Variants in EHMT1 observed in about 807,000 individuals in gnomAD.
EHMT1 encodes the protein euchromatic histone lysine methyltransferase 1, also known as histone-lysine N-methyltransferase EHMT1.
A neutral mutation model predicts 147.2 loss-of-function variants in EHMT1; 15 were observed. That is an observed-to-expected ratio of 0.10 (90% CI 0.07 to 0.16). EHMT1 has a LOEUF of 0.16. Ranked by LOEUF, EHMT1 falls within the 10% of genes least tolerant of loss-of-function variation. The pLI, the probability that EHMT1 is intolerant of heterozygous loss-of-function variation, is 1.00. For synonymous variants in EHMT1, 795 were observed against 709.6 expected, an observed-to-expected ratio of 1.12 and a Z score of -1.91; for missense variants, 1,587 against 1,772.4, an observed-to-expected ratio of 0.90 and a Z score of 1.88.
chr9:137,709,278 A>G (rs1251519079), intron 1 of EHMT1, among the ~76,000 whole-genome samples: 1 of 152,166 alleles, frequency 6.6e-6, no homozygotes, highest in African/African-American at 2.4e-5. Flanking sequence ...GCTGGCGTAC[A>G]GCTGTGATGG....
chr9:137,833,878 G>GA (rs1269741541), intron 25 of EHMT1, among the ~76,000 whole-genome samples: 1 of 152,240 alleles, frequency 6.6e-6, no homozygotes, highest in Non-Finnish European at 1.5e-5. Context: ...ACCCTCTGGG[G>GA]ACTGCTCCGC....
intron 1 of EHMT1, among the ~76,000 whole-genome samples, chr9:137,643,193 T>C (rs1844619550): frequency 6.6e-6 from 1 of 152,068 alleles, no homozygotes; most frequent in African/African-American, 2.4e-5. Context: ...CTTGGTGCTC[T>C]CTATTCATGT....
At chr9:137,686,777 C>G (rs2134714501) in intron 1 of EHMT1, among the ~76,000 whole-genome samples, 1 of 146,556 alleles carries the variant, frequency 6.8e-6, no homozygotes, top group South Asian at 2.2e-4. Flanking sequence ...GTCACCCAGG[C>G]TAGAGTGCAG....
chr9:137,679,750 GTTTA>G lies in EHMT1; in HGVS notation c.22-31210_22-31207del, dbSNP rs781436376. On this transcript the variant is annotated intron_variant, in intron 1 of 26. Coordinates refer to ENST00000460843, the MANE Select transcript of EHMT1 (RefSeq NM_024757.5). The stretch of plus-strand genomic sequence containing the variant: ...TGGATATTTTTTTCTGTGTTTTAAA[GTTTA>G]TTTATTCATTTTTACCATATAAATG... 9.2e-5 allele frequency among the ~76,000 whole-genome samples: 14 copies of G among 152,280 alleles called. No homozygotes were observed. The East Asian group carries it at 9.6e-4, about 10-fold the overall frequency.
At chr9:137,636,896 C>CTTTTTT (rs35700929) in intron 1 of EHMT1, among the ~76,000 whole-genome samples, 1 of 120,936 alleles carries the variant, frequency 8.3e-6, no homozygotes, top group African/African-American at 3.1e-5. Flanking sequence ...CAGTTTCACT[C>CTTTTTT]TTTTTTTTTT....
chr9:137,650,167 C>T (rs997625361), intron 1 of EHMT1, among the ~76,000 whole-genome samples: 1 of 152,142 alleles, frequency 6.6e-6, no homozygotes, highest in Non-Finnish European at 1.5e-5. Flanking sequence ...GGTGCAGTCA[C>T]AGCTCACTGC....
rs71296960 is a variant in EHMT1 at position 137,627,702 on chromosome 9, A to ATT, written c.21+8667_21+8668dup. Among the ~76,000 whole-genome samples the ATT allele has an allele frequency of 3.6e-4, 49 of 136,206 alleles. 1 individual carries two copies. Among genetic ancestry groups the ATT allele is most frequent in the African/African-American group, 6.8e-4 (25 of 36,844 alleles). 89.4% of individuals were successfully genotyped at this position (136,206 alleles called of 152,430 possible). A position where few individuals can be genotyped will look rare whatever the true frequency, so the allele number is the denominator to read the frequency against. The stretch of plus-strand genomic sequence containing the variant: ...TTCTTGCCTTGCTGGTATAAGCTGG[A>ATT]TTTTTTTTTTTTTTTGAGACAGAGT... On this transcript the variant is annotated intron_variant, in intron 1 of 26. Transcript: ENST00000460843.
chr9:137,655,941 T>TATCAGTGATCA (rs1938393021), intron 1 of EHMT1, among the ~76,000 whole-genome samples: 1 of 152,174 alleles, frequency 6.6e-6, no homozygotes. Flanking sequence ...AGATCACTGA[T>TATCAGTGATCA]TATCAGTGAT....
At chr9:137,633,095 C>T (rs1002204978) in intron 1 of EHMT1, among the ~76,000 whole-genome samples, 3 of 152,030 alleles carry the variant, frequency 2.0e-5, no homozygotes, top group Non-Finnish European at 2.9e-5. Context: ...GGGACTAGGC[C>T]GGAGCCAAAT....
chr9:137,677,429 C>G (rs1030773151), intron 1 of EHMT1, among the ~76,000 whole-genome samples: 2 of 152,090 alleles, frequency 1.3e-5, no homozygotes, highest in African/African-American at 4.8e-5. Context: ...GCCACCAGGA[C>G]TTGCCTGACT....
intron 1 of EHMT1, among the ~76,000 whole-genome samples, chr9:137,653,667 G>A (rs775674093): frequency 6.6e-6 from 1 of 152,000 alleles, no homozygotes; most frequent in Non-Finnish European, 1.5e-5. Context: ...TAGCTGGGAT[G>A]ACAGGCATGT....
intron 1 of EHMT1, among the ~76,000 whole-genome samples, chr9:137,622,614 G>A (rs1406420381): frequency 6.6e-6 from 1 of 152,128 alleles, no homozygotes; most frequent in Non-Finnish European, 1.5e-5. Context: ...TGTTCATCCT[G>A]CCCCAATCAG....
intron 1 of EHMT1, among the ~76,000 whole-genome samples, chr9:137,693,121 G>GTT (rs1020902780): frequency 6.6e-6 from 1 of 152,112 alleles, no homozygotes; most frequent in Admixed American, 6.5e-5. Flanking sequence ...CAGGTTAATT[G>GTT]TTAAACTCGT....
At chr9:137,716,111 A>G (rs1400248593) in intron 2 of EHMT1, among the ~76,000 whole-genome samples, 3 of 24,176 alleles carry the variant, frequency 1.2e-4, no homozygotes, top group African/African-American at 4.2e-4. Context: ...TGGTGGTGTC[A>G]TGGTGGGGGA....
At chr9:137,816,413 C>A (rs1020113349) in intron 23 of EHMT1, 5 of 363,374 alleles carry the variant, frequency 1.4e-5, no homozygotes, top group South Asian at 1.1e-4. Context: ...TATTTTAATA[C>A]TCCAGTCATT....
chr9:137,783,952 C>G (rs990721684), intron 15 of EHMT1: 12 of 431,514 alleles, frequency 2.8e-5, no homozygotes, highest in Non-Finnish European at 4.1e-5. Context: ...GTCTAACAGT[C>G]TTGGTATTTT....
chr9:137,762,384 T>C (rs1303885680), intron 9 of EHMT1, among the ~76,000 whole-genome samples: 3 of 152,148 alleles, frequency 2.0e-5, no homozygotes, highest in Non-Finnish European at 4.4e-5. Flanking sequence ...TACCAGCCTC[T>C]GGCTTTGGAA....
At chr9:137,767,668 A>G (rs1950301537) in intron 10 of EHMT1, among the ~76,000 whole-genome samples, 2 of 151,958 alleles carry the variant, frequency 1.3e-5, no homozygotes, top group African/African-American at 2.4e-5. Flanking sequence ...CAAAAATTAG[A>G]TGGGCGTGGT....
chr9:137,783,758 G>A (rs886967984), intron 15 of EHMT1, among the ~76,000 whole-genome samples: 14 of 152,194 alleles, frequency 9.2e-5, no homozygotes, highest in Non-Finnish European at 1.5e-4. Context: ...GGGGCGCACC[G>A]TCTGCTGTGC....
Sources: allele counts gnomAD v4.1 joint callset (sites outside exome capture counted in the v4.1 genomes callset), GRCh38; gene constraint gnomAD v4.1.1; transcripts MANE v1.5; gene names NCBI Gene and HGNC (gene_info 2026-07-23, HGNC 2026-07-21).